Variants in RMND5B observed in about 807,000 individuals in gnomAD.
RMND5B encodes required for meiotic nuclear division 5 homolog B.
In RMND5B, 42 loss-of-function variants were observed where a neutral mutation model predicts 50.4. That is an observed-to-expected ratio of 0.83 (90% confidence interval 0.65 to 1.08). RMND5B has a LOEUF of 1.08. RMND5B is among the 50% of genes least tolerant of loss of function. RMND5B has a pLI of 0.00. For missense variants in RMND5B, 463 were observed against 508.5 expected (o/e 0.91, Z 0.86); for synonymous variants, 220 against 210.0 (o/e 1.05, Z -0.41).
At chr5:178,145,325 A>T (rs2113437703) in intron 7 of RMND5B, among the ~76,000 whole-genome samples, 1 of 151,878 alleles carries the variant, frequency 6.6e-6, no homozygotes, top group Admixed American at 6.6e-5. Context: ...TCTCTACTAA[A>T]AATATGAAAA....
intron 2 of RMND5B, chr5:178,136,063 T>C (rs1309580037): frequency 2.6e-5 from 4 of 152,238 alleles, no homozygotes; most frequent in Non-Finnish European, 5.9e-5. Context: ...GTACCTGTGA[T>C]GTGAAGTACG....
At chr5:178,134,285 T>G (rs1215849819) in intron 2 of RMND5B, among the ~76,000 whole-genome samples, 4 of 152,202 alleles carry the variant, frequency 2.6e-5, no homozygotes, top group Non-Finnish European at 5.9e-5. Flanking sequence ...GCTTACGTAC[T>G]CTATACAAAG....
At position 178,142,910 on chromosome 5, in the gene RMND5B, A is replaced by G; in HGVS notation, c.344A>G (p.Gln115Arg). 6.2e-7 allele frequency: 1 copy of G among 1,614,150 alleles called. No individual in the cohort carries two copies. ...VSDAVWDARE[Q>R]QQQILQMAIV... ...GATGCGGTGTGGGACGCGCGGGAAC[A>G]GCAGCAGCAGATCCTGCAGATGGCC... The change falls in exon 5 of 11, where the codon CAG becomes CGG. Residue 115 changes from glutamine (Q) to arginine (R), a missense_variant. Physicochemically the swap from Gln to Arg is conservative, Grantham distance 43. Transcript: ENST00000313386.
intron 3 of RMND5B, among the ~76,000 whole-genome samples, chr5:178,140,922 A>G (rs1487498798): frequency 6.6e-6 from 1 of 151,984 alleles, no homozygotes; most frequent in East Asian, 1.9e-4. Flanking sequence ...TTTAGTATCC[A>G]TTAATGATTG....
chr5:178,147,575 C>A lies in RMND5B; in HGVS notation c.903C>A (p.Ile301=). The A allele has an allele frequency of 1.2e-6, 2 of 1,614,112 alleles. No homozygotes were observed. The highest frequency in any genetic ancestry group is 1.7e-6 in the Non-Finnish European group (2 of 1,180,026). ...TGGCGCTGCCTGTGTTGATGAACAT[C>A]AAGGCTGTGATTGAGCAGCGGCAGT... is the stretch of plus-strand genomic sequence containing the variant. ...GCVALPVLMN[I]KAVIEQRQCT... is the part of the protein sequence containing the mutation. The change falls in exon 9 of 11, where the codon ATC becomes ATA. Residue 301 remains isoleucine (I), a synonymous_variant. Coordinates refer to ENST00000313386, the MANE Select transcript of RMND5B (RefSeq NM_022762.5).
chr5:178,136,577 C>G (rs933622536), intron 2 of RMND5B, among the ~76,000 whole-genome samples: 1 of 152,048 alleles, frequency 6.6e-6, no homozygotes, highest in African/African-American at 2.4e-5. Context: ...GGTTGGGAGA[C>G]AGTGGCTACA....
At chr5:178,144,809 A>AGTG (rs1755898494) in intron 7 of RMND5B, among the ~76,000 whole-genome samples, 9 of 151,878 alleles carry the variant, frequency 5.9e-5, no homozygotes, top group Admixed American at 5.9e-4. Flanking sequence ...GGATCACTTG[A>AGTG]GCTGGAGACC....
Position 178,149,715 on chromosome 5 carries a change from A to G in RMND5B, c.*1683A>G. ...TGCCCAGGTGCTACCGGAGCCCCTCATAGGGGTAGGGGCAGGGACTGCACC... is the reference window on the plus strand; with the variant it reads ...TGCCCAGGTGCTACCGGAGCCCCTCGTAGGGGTAGGGGCAGGGACTGCACC... On this transcript the variant is annotated 3_prime_UTR_variant, in exon 11 of 11. Transcript: ENST00000313386. 6.2e-7 allele frequency: 1 copy of G among 1,613,734 alleles called. No individual in the cohort carries two copies. The highest frequency in any genetic ancestry group is 8.5e-7 in the Non-Finnish European group (1 of 1,179,948).
chr5:178,145,926 C>T (rs6873523), intron 7 of RMND5B, 188 bp from the exon 8 acceptor site: 427,150 of 571,876 alleles, frequency 0.75, 160,388 homozygotes, highest in Admixed American at 0.81. Context: ...CAGCCTGGAC[C>T]TCCACCTCCC....
At position 178,144,684 on chromosome 5, in the gene RMND5B, A is replaced by G. The variant is rs903076229; in HGVS notation, c.694+576A>G. Among the ~76,000 whole-genome samples the G allele has an allele frequency of 2.0e-5, 3 of 147,312 alleles. No homozygotes were observed. In the Admixed American group the frequency reaches 2.1e-4, roughly 10 times the overall value. The stretch of plus-strand genomic sequence containing the variant: ...AGGCGGAGCTTGATCGCGCCACTGC[A>G]CTCCAGCCTGGGTGACAGAGTGAGA... On this transcript the variant is annotated intron_variant, in intron 7 of 10. Coordinates refer to ENST00000313386, the MANE Select transcript of RMND5B (RefSeq NM_022762.5).
At position 178,137,978 on chromosome 5, in the gene RMND5B, T is replaced by G. The variant is rs1490274408; in HGVS notation, c.-12-130T>G. The G allele has an allele frequency of 1.2e-6, 1 of 834,250 alleles. No individual in the cohort carries two copies. Among genetic ancestry groups the G allele is most frequent in the Non-Finnish European group, 1.8e-6 (1 of 543,140 alleles). The allele number at this position is 834,250 out of a possible 1,614,324, so 51.7% of individuals were successfully genotyped here. ...CAAAACATAGGTACATATATACATA[T>G]ATGTACAAAACATATAACATTGATA... is the stretch of plus-strand genomic sequence containing the variant. On this transcript the variant is annotated intron_variant, in intron 2 of 10. Coordinates refer to ENST00000313386, the MANE Select transcript of RMND5B (RefSeq NM_022762.5). The surrounding 1 kb of genome is among the most constrained non-coding windows in gnomAD (Gnocchi z 4.4).
intron 3 of RMND5B, among the ~76,000 whole-genome samples, chr5:178,140,189 T>C (rs1758842153): frequency 6.6e-6 from 1 of 152,150 alleles, no homozygotes; most frequent in South Asian, 2.1e-4. Context: ...CACTTTTATT[T>C]TGGAGACAAG....
Position 178,138,362 on chromosome 5 carries a change from T to A in RMND5B, c.139+104T>A, listed in dbSNP as rs1257938415. The stretch of plus-strand genomic sequence containing the variant: ...TTCCGGAAGGACGATGATGAGGATG[T>A]TGGTACCTGCATCTGTAGGCCTCCT... On this transcript the variant is annotated intron_variant, in intron 3 of 10. Transcript: ENST00000313386. The surrounding 1 kb of genome is among the most constrained non-coding windows in gnomAD (Gnocchi z 5.1). 1.4e-6 allele frequency: 2 copies of A among 1,477,704 alleles called. No individual in the cohort carries two copies. Among genetic ancestry groups the A allele is most frequent in the Non-Finnish European group, 1.8e-6 (2 of 1,110,996 alleles). 91.5% of individuals were successfully genotyped at this position (1,477,704 alleles called of 1,614,324 possible). A position where few individuals can be genotyped will look rare whatever the true frequency, so the allele number is the denominator to read the frequency against.
At chr5:178,139,374 T>G (rs1758793296) in intron 3 of RMND5B, among the ~76,000 whole-genome samples, 1 of 151,520 alleles carries the variant, frequency 6.6e-6, no homozygotes, top group Admixed American at 6.6e-5. Context: ...TGCAGCTAAT[T>G]TTTGTATTTT....
At position 178,149,835 on chromosome 5, in the gene RMND5B, G is replaced by A; in HGVS notation, c.*1803G>A. ...CGCTTGGAGCCTGCGGCTGCACCCA[G>A]GTCCTACAGAGGGGAAAGAAGTGCT... On this transcript the variant is annotated 3_prime_UTR_variant, in exon 11 of 11. Coordinates refer to ENST00000313386, the MANE Select transcript of RMND5B (RefSeq NM_022762.5). 6.2e-7 allele frequency: 1 copy of A among 1,613,582 alleles called. No homozygotes were observed. The highest frequency in any genetic ancestry group is 8.5e-7 in the Non-Finnish European group (1 of 1,179,726).
Position 178,148,099 on chromosome 5 carries a change from G to C in RMND5B, c.*67G>C. The C allele has an allele frequency of 6.6e-7, 1 of 1,514,412 alleles. No individual in the cohort carries two copies. Among genetic ancestry groups the C allele is most frequent in the Non-Finnish European group, 9.2e-7 (1 of 1,089,700 alleles). 93.8% of individuals were successfully genotyped at this position (1,514,412 alleles called of 1,614,324 possible). A position where few individuals can be genotyped will look rare whatever the true frequency, so the allele number is the denominator to read the frequency against. ...GTGAGCCTTGGTCTGTCTCGGTAGG[G>C]TGGTCAACTTCAGTGGACTGTGGTT... On this transcript the variant is annotated 3_prime_UTR_variant, in exon 11 of 11. Transcript: ENST00000313386.
intron 5 of RMND5B, among the ~76,000 whole-genome samples, chr5:178,143,343 T>G (rs1158665658): frequency 6.6e-6 from 1 of 152,156 alleles, no homozygotes; most frequent in Non-Finnish European, 1.5e-5. Flanking sequence ...GAGGAGTAAT[T>G]TTCTCGCCAT....
intron 3 of RMND5B, among the ~76,000 whole-genome samples, chr5:178,140,710 G>A (rs905839488): frequency 8.6e-5 from 13 of 151,860 alleles, no homozygotes; most frequent in African/African-American, 2.7e-4. Flanking sequence ...CATGCCTGTA[G>A]TCCCAGCTAC....
At chr5:178,134,265 T>C (rs1001597687) in intron 2 of RMND5B, among the ~76,000 whole-genome samples, 94 of 152,172 alleles carry the variant, frequency 6.2e-4, no homozygotes, top group African/African-American at 2.2e-3. Flanking sequence ...GAGGTGATAA[T>C]TTAACTACAG....
Sources: gnomAD v4.1 joint callset for allele counts (sites outside exome capture counted in the v4.1 genomes callset) on GRCh38, gnomAD v4.1.1 for gene constraint, Gnocchi (gnomAD v3.1) non-coding constraint, MANE v1.5 for transcripts, NCBI Gene and HGNC (gene_info 2026-07-23, HGNC 2026-07-21) for gene names.